Variants in SRP19 observed in about 807,000 individuals in gnomAD.
SRP19 encodes signal recognition particle 19, also known as signal recognition particle 19 kDa protein.
Under a neutral mutation model 22.4 loss-of-function variants are expected in SRP19, and 11 were observed. That is an observed-to-expected ratio of 0.49 (90% CI 0.31 to 0.81). The LOEUF is 0.81. Among genes scored for constraint, SRP19 ranks in the 40% least tolerant of loss-of-function variants. The pLI is 0.05. For missense variants in SRP19, 168 were observed against 175.9 expected, an observed-to-expected ratio of 0.96 and a Z score of 0.25; for synonymous variants, 61 against 57.6, an observed-to-expected ratio of 1.06 and a Z score of -0.27.
rs1561651641 is a variant in SRP19 at position 112,892,968 on chromosome 5, G to GAGCCGCAGGAGCCAC, written c.*1362_*1376dup. The GAGCCGCAGGAGCCAC allele has an allele frequency of 3.1e-6, 5 of 1,591,930 alleles. 1 individual carries two copies. The South Asian group carries it at 5.6e-5, about 18-fold the overall frequency. The stretch of plus-strand genomic sequence containing the variant: ...GCTGGGACCAGGGCCGCCGGAGCCA[G>GAGCCGCAGGAGCCAC]AGCCGCAGGAGCCACCGCAGCCGGA... On this transcript the variant is annotated 3_prime_UTR_variant, in exon 5 of 5. Coordinates refer to the SRP19 transcript ENST00000391338.
At chr5:112,895,878 C>A (rs1442225479), downstream of SRP19, 1 of 152,164 alleles carries the variant, frequency 6.6e-6, no homozygotes, top group Non-Finnish European at 1.5e-5. Flanking sequence ...ACTCACAAGC[C>A]CACTGCTGCC....
chr5:112,886,577 A>G (rs1023860277), intron 4 of SRP19, among the ~76,000 whole-genome samples: 1 of 152,160 alleles, frequency 6.6e-6, no homozygotes, highest in Non-Finnish European at 1.5e-5. Flanking sequence ...ATTTTTTGTA[A>G]AATTATAGAA....
At chr5:112,867,355 T>TA (rs776544355) in intron 4 of SRP19, 49 bp from the exon 5 acceptor site, 2 of 1,577,840 alleles carry the variant, frequency 1.3e-6, no homozygotes, top group South Asian at 2.3e-5. Context: ...GATGACTTTT[T>TA]ATGTCTTATT....
chr5:112,886,261 T>C (rs1768240264), intron 4 of SRP19, among the ~76,000 whole-genome samples: 1 of 152,242 alleles, frequency 6.6e-6, no homozygotes, highest in Admixed American at 6.5e-5. Context: ...CCCCAAGTAT[T>C]GTCTTTTGGC....
At chr5:112,862,451 C>A in intron 1 of SRP19, 57 bp from the exon 2 acceptor site, 16 of 1,531,648 alleles carry the variant, frequency 1.0e-5, no homozygotes, top group Non-Finnish European at 1.4e-5. Flanking sequence ...CCACCCGACC[C>A]TTTTCTCCTG....
Position 112,864,846 on chromosome 5 carries a change from T to TTAAAGACAGGACTACTGCTC in SRP19, c.301+115_301+134dup, listed in dbSNP as rs1279647475. On this transcript the variant is annotated intron_variant, in intron 4 of 4. Transcript: ENST00000505459. Reference sequence around the variant, plus strand: ...CAGAATTTGCATTCTGAAGATTAATTTAAAGACAGGACTACTGCTCATGGA... The same window carrying TTAAAGACAGGACTACTGCTC: ...CAGAATTTGCATTCTGAAGATTAATTTAAAGACAGGACTACTGCTCTAAAGACAGGACTACTGCTCATGGA... The TTAAAGACAGGACTACTGCTC allele has an allele frequency of 2.9e-5, 22 of 759,114 alleles. No homozygotes were observed. In the African/African-American group the frequency reaches 3.7e-4, roughly 13 times the overall value. 47.0% of individuals were successfully genotyped at this position (759,114 alleles called of 1,614,324 possible). A position where few individuals can be genotyped will look rare whatever the true frequency, so the allele number is the denominator to read the frequency against.
intron 4 of SRP19, among the ~76,000 whole-genome samples, chr5:112,883,962 T>C (rs1299122602): frequency 2.0e-5 from 3 of 152,128 alleles, no homozygotes; most frequent in Admixed American, 6.5e-5. Context: ...CTTTGAAATA[T>C]ATCAAGAATC....
At chr5:112,863,163 G>A (rs1440337558) in intron 2 of SRP19, among the ~76,000 whole-genome samples, 1 of 152,088 alleles carries the variant, frequency 6.6e-6, no homozygotes, top group Non-Finnish European at 1.5e-5. Flanking sequence ...AGTCACTGTC[G>A]CCTCCGCATA....
intron 4 of SRP19, among the ~76,000 whole-genome samples, chr5:112,880,108 C>A (rs1580726419): frequency 6.6e-6 from 1 of 152,176 alleles, no homozygotes; most frequent in East Asian, 1.9e-4. Flanking sequence ...CAAGACACTA[C>A]ATTCATCAAG....
chr5:112,867,161 ATACT>A (rs1767632478), intron 4 of SRP19, among the ~76,000 whole-genome samples: 1 of 152,188 alleles, frequency 6.6e-6, no homozygotes, highest in African/African-American at 2.4e-5. Flanking sequence ...TTTTTGTTTC[ATACT>A]TAGTGTTTTG....
Position 112,878,760 on chromosome 5 carries a change from G to A in SRP19, c.302-12843G>A, listed in dbSNP as rs772792172. On this transcript the variant is annotated intron_variant, in intron 4 of 4. Transcript: ENST00000391338. ...AGCTCCAGTAGGAAGGTACAGAGAG[G>A]GCAGGAAGTTTCCATCCAGTCTGGT... 3.1e-6 allele frequency: 5 copies of A among 1,613,874 alleles called. No individual in the cohort carries two copies. The South Asian group carries it at 3.3e-5, about 11-fold the overall frequency.
At chr5:112,892,866 G>C (rs1354030693) in exon 5 of SRP19, 2 of 1,613,190 alleles carry the variant, frequency 1.2e-6, no homozygotes, top group Admixed American at 1.7e-5. Flanking sequence ...GTCATAGGGG[G>C]AAGAAATCTC....
chr5:112,889,108 T>C (rs1210955673), intron 4 of SRP19, among the ~76,000 whole-genome samples: 1 of 150,886 alleles, frequency 6.6e-6, no homozygotes, highest in Non-Finnish European at 1.5e-5. Flanking sequence ...TCCACAACCA[T>C]GTGGAACTGT....
chr5:112,887,084 G>C (rs1392217210), intron 4 of SRP19: 2 of 1,613,738 alleles, frequency 1.2e-6, no homozygotes, highest in South Asian at 2.2e-5. Flanking sequence ...CTGTCCATCT[G>C]GGACTCGTGC....
downstream of SRP19, among the ~76,000 whole-genome samples, chr5:112,874,349 C>CTCCATAATAGGA (rs1767846832): frequency 6.6e-6 from 1 of 152,078 alleles, no homozygotes; most frequent in Non-Finnish European, 1.5e-5. Flanking sequence ...TCAACCCTGG[C>CTCCATAATAGGA]TCCATACTAG....
At chr5:112,874,003 A>T (rs1383614392), downstream of SRP19, among the ~76,000 whole-genome samples, 2 of 151,828 alleles carry the variant, frequency 1.3e-5, no homozygotes, top group African/African-American at 4.8e-5. Flanking sequence ...CTCTCTACAA[A>T]AAAAAATAAA....
chr5:112,893,021 G>A lies in SRP19; in HGVS notation c.*1414G>A, dbSNP rs192659335. ...CAAAGTTCCTCTAGGTGCCGAAGTC[G>A]TGGGAGGAGGAAGTCGGGTAATAGA... On this transcript the variant is annotated 3_prime_UTR_variant, in exon 5 of 5. Coordinates refer to the SRP19 transcript ENST00000391338. 1.3e-3 allele frequency: 2,023 copies of A among 1,539,756 alleles called. 32 individuals are homozygous for A. The Admixed American group carries it at 0.029, about 22-fold the overall frequency.
chr5:112,882,741 A>AT, intron 4 of SRP19, among the ~76,000 whole-genome samples: 1 of 152,294 alleles, frequency 6.6e-6, no homozygotes, highest in Non-Finnish European at 1.5e-5. Context: ...AGCCCACGAA[A>AT]TTTAAAACAT....
In SRP19 at chr5:112,867,698, AT is replaced by A; in HGVS notation, c.*164del. On this transcript the variant is annotated 3_prime_UTR_variant, in exon 5 of 5. Coordinates refer to ENST00000505459, the MANE Select transcript of SRP19 (RefSeq NM_003135.3). ...ATCATCGGAGTTGACAGTGAAACAAATTTACATCAGAAGTTTGCATCTCGCG... is the reference window on the plus strand; with the variant it reads ...ATCATCGGAGTTGACAGTGAAACAAATTACATCAGAAGTTTGCATCTCGCG... 7.4e-7 allele frequency: 1 copy of A among 1,352,220 alleles called. No individual in the cohort carries two copies. The highest frequency in any genetic ancestry group is 9.5e-7 in the Non-Finnish European group (1 of 1,048,930). 83.8% of individuals were successfully genotyped at this position (1,352,220 alleles called of 1,614,324 possible).
Sources: allele counts gnomAD v4.1 joint callset (sites outside exome capture counted in the v4.1 genomes callset), GRCh38; gene constraint gnomAD v4.1.1; transcripts MANE v1.5; gene names NCBI Gene and HGNC (gene_info 2026-07-23, HGNC 2026-07-21).